AHI1: variants seen among roughly 807,000 people sequenced by gnomAD.
AHI1 encodes Abelson helper integration site 1, also known as jouberin.
AHI1 carries 123 observed loss-of-function variants against 149.3 expected under a neutral mutation model. That is an observed-to-expected ratio of 0.82 (90% CI 0.71 to 0.96). The LOEUF (loss-of-function observed/expected upper bound fraction) is 0.96, where lower values mean the gene tolerates loss of function less well. Among genes scored for constraint, AHI1 ranks in the 40% least tolerant of loss-of-function variants. The pLI is 0.00. For missense variants in AHI1, 1,439 were observed against 1,422.7 expected, an observed-to-expected ratio of 1.01 and a Z score of -0.18; for synonymous variants, 475 against 459.8, an observed-to-expected ratio of 1.03 and a Z score of -0.42.
At chr6:135,419,556 G>A (rs1782855796) in intron 20 of AHI1, among the ~76,000 whole-genome samples, 2 of 151,724 alleles carry the variant, frequency 1.3e-5, no homozygotes, top group South Asian at 4.1e-4. Flanking sequence ...ACACTATATT[G>A]TAGTCTATTA....
At chr6:135,424,589 A>C (rs1486647614) in intron 20 of AHI1, among the ~76,000 whole-genome samples, 2 of 152,018 alleles carry the variant, frequency 1.3e-5, no homozygotes, top group Non-Finnish European at 2.9e-5. Context: ...TGAAAGTAAA[A>C]ATCATATTTC....
intron 8 of AHI1, among the ~76,000 whole-genome samples, chr6:135,462,923 G>C (rs1307030535): frequency 1.3e-5 from 2 of 151,568 alleles, no homozygotes; most frequent in African/African-American, 4.8e-5. Context: ...AATCAGAGAA[G>C]ACTCAAGTGA....
At position 135,467,661 on chromosome 6, in the gene AHI1, C is replaced by T. The variant is rs917603377; in HGVS notation, c.136-27G>A. The T allele has an allele frequency of 2.6e-6, 4 of 1,533,480 alleles. No individual in the cohort carries two copies. The African/African-American group carries it at 5.5e-5, about 21-fold the overall frequency. The allele number at this position is 1,533,480 out of a possible 1,614,324, so 95.0% of individuals were successfully genotyped here. A position where few individuals can be genotyped will look rare whatever the true frequency, so the allele number is the denominator to read the frequency against. On this transcript the variant is annotated intron_variant, in intron 5 of 28. Coordinates refer to ENST00000265602, the MANE Select transcript of AHI1 (RefSeq NM_001134831.2). Reference sequence around the variant, plus strand: ...TAAAAAGGAAGACATAATAAAGTTTCAGCTAAGCGTAGATTAGTTGTATCA... The same window carrying T: ...TAAAAAGGAAGACATAATAAAGTTTTAGCTAAGCGTAGATTAGTTGTATCA...
intron 4 of AHI1, 87 bp downstream of exon 4, chr6:135,492,141 C>A: frequency 1.0e-6 from 1 of 966,860 alleles, no homozygotes; most frequent in Non-Finnish European, 1.5e-6. Flanking sequence ...ATTCATTAAT[C>A]TGTTCAAGAA....
At chr6:135,492,978 G>T in intron 3 of AHI1, 1 of 868,452 alleles carries the variant, frequency 1.2e-6, no homozygotes, top group Non-Finnish European at 1.3e-6. Flanking sequence ...TAAAACTGAA[G>T]AGTGTTAAAA....
chr6:135,337,307 T>C lies in AHI1; in HGVS notation c.3166-13983A>G, dbSNP rs112687064. The stretch of plus-strand genomic sequence containing the variant: ...AGCAAGCTACATGGGAAATTGAAAT[T>C]AGACCAAGGTGGCAGCATACATGTA... On this transcript the variant is annotated intron_variant, in intron 24 of 28. Transcript: ENST00000265602. 6.0e-3 allele frequency among the ~76,000 whole-genome samples: 918 copies of C among 152,316 alleles called. 4 individuals carry two copies. Among genetic ancestry groups the C allele is most frequent in the Non-Finnish European group, 9.5e-3 (643 of 68,018 alleles).
chr6:135,456,641 G>C (rs1789005543), intron 9 of AHI1, among the ~76,000 whole-genome samples: 1 of 152,030 alleles, frequency 6.6e-6, no homozygotes, highest in Admixed American at 6.5e-5. Flanking sequence ...GTGCCCTAAG[G>C]CAAATGAATA....
intron 7 of AHI1, among the ~76,000 whole-genome samples, chr6:135,464,670 T>C (rs1365521081): frequency 6.6e-6 from 1 of 152,152 alleles, no homozygotes; most frequent in Non-Finnish European, 1.5e-5. Flanking sequence ...GTAGACCATA[T>C]GGAGACAGTC....
At chr6:135,381,326 T>TA (rs942143308) in intron 23 of AHI1, among the ~76,000 whole-genome samples, 16 of 152,232 alleles carry the variant, frequency 1.1e-4, no homozygotes, top group South Asian at 6.2e-4. Flanking sequence ...TGATTCCTTT[T>TA]AAAAAAAGTG....
intron 27 of AHI1, among the ~76,000 whole-genome samples, chr6:135,290,865 C>A (rs1307110887): frequency 6.6e-6 from 1 of 150,986 alleles, no homozygotes; most frequent in East Asian, 1.9e-4. Context: ...ATATTAGATG[C>A]CTGGGAAAAA....
intron 24 of AHI1, among the ~76,000 whole-genome samples, chr6:135,335,529 G>A (rs1277834383): frequency 6.6e-6 from 1 of 151,334 alleles, no homozygotes; most frequent in African/African-American, 2.4e-5. Flanking sequence ...TCAAAAAAAA[G>A]GGTACCTCTA....
intron 23 of AHI1, among the ~76,000 whole-genome samples, chr6:135,380,118 C>T (rs187032665): frequency 2.6e-5 from 4 of 151,312 alleles, no homozygotes; most frequent in Non-Finnish European, 5.9e-5. Flanking sequence ...TCCTTGACCA[C>T]TCCATTTAAA....
intron 26 of AHI1, among the ~76,000 whole-genome samples, chr6:135,304,573 C>A (rs58158656): frequency 0.012 from 1,807 of 152,038 alleles, 39 homozygotes; most frequent in African/African-American, 0.041. Flanking sequence ...AGTCCAAGAC[C>A]AGCCTGGCCA....
intron 5 of AHI1, among the ~76,000 whole-genome samples, chr6:135,489,711 C>A (rs1172432720): frequency 6.6e-6 from 1 of 152,088 alleles, no homozygotes; most frequent in Non-Finnish European, 1.5e-5. Flanking sequence ...ACACTATGAA[C>A]CCTCACATAT....
At chr6:135,302,476 C>G in intron 26 of AHI1, 1 of 1,014,602 alleles carries the variant, frequency 9.9e-7, no homozygotes, top group East Asian at 9.8e-5. Flanking sequence ...GCTGTGATAT[C>G]CTCAGAAAGT....
chr6:135,419,039 A>C (rs561731659), intron 20 of AHI1, among the ~76,000 whole-genome samples: 1 of 151,628 alleles, frequency 6.6e-6, no homozygotes, highest in Admixed American at 6.6e-5. Context: ...AGTTCTATAG[A>C]CTTAACACTT....
At chr6:135,429,214 A>T (rs982879289) in intron 18 of AHI1, among the ~76,000 whole-genome samples, 4 of 151,782 alleles carry the variant, frequency 2.6e-5, no homozygotes, top group Admixed American at 2.6e-4. Context: ...AAATTAGATA[A>T]AACATATTAT....
intron 5 of AHI1, among the ~76,000 whole-genome samples, chr6:135,487,513 T>C (rs1794651894): frequency 1.3e-5 from 2 of 152,170 alleles, no homozygotes; most frequent in Admixed American, 6.5e-5. Context: ...AATGGTATTT[T>C]TGGATCATAA....
intron 27 of AHI1, among the ~76,000 whole-genome samples, chr6:135,293,455 A>G (rs1782658678): frequency 6.6e-6 from 1 of 150,742 alleles, no homozygotes; most frequent in South Asian, 2.1e-4. Flanking sequence ...AGGCGCCCAG[A>G]TTGTGAAGAA....
Sources: gnomAD v4.1 joint callset for allele counts (sites outside exome capture counted in the v4.1 genomes callset) on GRCh38, gnomAD v4.1.1 for gene constraint, MANE v1.5 for transcripts, NCBI Gene and HGNC (gene_info 2026-07-23, HGNC 2026-07-21) for gene names.